The following MSH3 variants were observed in gnomAD, a reference collection of about 807,000 sequenced individuals.
MSH3 encodes the protein DNA mismatch repair protein Msh3.
In MSH3, 106 loss-of-function variants were observed where a neutral mutation model predicts 123.3. The ratio of observed to expected loss-of-function variants is 0.86; its 90% CI spans 0.73 to 1.01. The LOEUF (loss-of-function observed/expected upper bound fraction) is 1.01, where lower values mean the gene tolerates loss of function less well. Ranked by LOEUF, MSH3 falls within the 50% of genes least tolerant of loss-of-function variation. MSH3 has a pLI of 0.00. For missense variants in MSH3, 1,459 were observed against 1,347.6 expected (o/e 1.08, Z -1.29); for synonymous variants, 515 against 481.4 (o/e 1.07, Z -0.91).
intron 6 of MSH3, among the ~76,000 whole-genome samples, chr5:80,674,629 G>C (rs1335537032): frequency 6.6e-6 from 1 of 152,198 alleles, no homozygotes; most frequent in Non-Finnish European, 1.5e-5. Context: ...GAAAGATAAG[G>C]CATGCAACTA....
At chr5:80,696,334 A>T (rs1750479840) in intron 8 of MSH3, among the ~76,000 whole-genome samples, 2 of 152,130 alleles carry the variant, frequency 1.3e-5, no homozygotes, top group Non-Finnish European at 2.9e-5. Context: ...CACCAGTGAG[A>T]ATGGAAATCT....
chr5:80,797,049 C>G (rs1329975710), intron 19 of MSH3, among the ~76,000 whole-genome samples: 1 of 151,740 alleles, frequency 6.6e-6, no homozygotes, highest in Non-Finnish European at 1.5e-5. Flanking sequence ...CCACCCCACC[C>G]ACTCCCGCCT....
intron 21 of MSH3, among the ~76,000 whole-genome samples, chr5:80,862,349 G>A (rs533445520): frequency 6.6e-6 from 1 of 152,280 alleles, no homozygotes; most frequent in East Asian, 1.9e-4. Flanking sequence ...CAAAACTGGA[G>A]TTCTTTGATT....
chr5:80,867,274 C>T (rs930759594), intron 22 of MSH3, among the ~76,000 whole-genome samples: 4 of 152,206 alleles, frequency 2.6e-5, no homozygotes, highest in Non-Finnish European at 4.4e-5. Flanking sequence ...TCCTGCCTGG[C>T]CAGCTTTATT....
At chr5:80,770,810 C>T (rs549901082) in intron 15 of MSH3, among the ~76,000 whole-genome samples, 12 of 152,222 alleles carry the variant, frequency 7.9e-5, no homozygotes, top group East Asian at 7.7e-4. Context: ...CTTGGAAAGA[C>T]GGTCCTGGAT....
chr5:80,830,893 A>G (rs1046589408), intron 20 of MSH3, among the ~76,000 whole-genome samples: 3 of 152,210 alleles, frequency 2.0e-5, no homozygotes, highest in Non-Finnish European at 2.9e-5. Flanking sequence ...GCTTGATTAT[A>G]TGTGCAGTTT....
chr5:80,756,638 C>T (rs573869739), intron 12 of MSH3, among the ~76,000 whole-genome samples: 1 of 152,174 alleles, frequency 6.6e-6, no homozygotes, highest in African/African-American at 2.4e-5. Context: ...AGATCATAAC[C>T]CAGTTATAAT....
At position 80,741,584 on chromosome 5, in the gene MSH3, G is replaced by C. The variant is rs199963081; in HGVS notation, c.1653+36G>C. 20 of 1,495,192 alleles carry C rather than the reference G, an allele frequency of 1.3e-5. No individual in the cohort carries two copies. Among genetic ancestry groups the C allele is most frequent in the African/African-American group, 1.1e-4 (8 of 72,588 alleles). The allele number at this position is 1,495,192 out of a possible 1,614,324, so 92.6% of individuals were successfully genotyped here. A position where few individuals can be genotyped will look rare whatever the true frequency, so the allele number is the denominator to read the frequency against. On this transcript the variant is annotated intron_variant, in intron 11 of 23. Transcript: ENST00000265081. The stretch of plus-strand genomic sequence containing the variant: ...TACAAGGGCTAGTTGATTATAAATC[G>C]TTTTGGGAAAAACTTCTGAGTAAGG...
intron 10 of MSH3, among the ~76,000 whole-genome samples, chr5:80,734,276 T>C (rs1701623052): frequency 6.6e-6 from 1 of 152,206 alleles, no homozygotes; most frequent in Non-Finnish European, 1.5e-5. Context: ...AGTAGATTAG[T>C]GGTTGCCTAG....
chr5:80,830,549 C>T (rs566480743), intron 20 of MSH3, among the ~76,000 whole-genome samples: 1 of 152,252 alleles, frequency 6.6e-6, no homozygotes, highest in South Asian at 2.1e-4. Flanking sequence ...ATTAATCTTC[C>T]TTTGACAACC....
At chr5:80,764,308 G>A (rs973826770) in intron 13 of MSH3, among the ~76,000 whole-genome samples, 2 of 152,126 alleles carry the variant, frequency 1.3e-5, no homozygotes, top group African/African-American at 2.4e-5. Context: ...GTACCAATAG[G>A]TGTTTTTATG....
chr5:80,801,515 T>TA, intron 19 of MSH3, among the ~76,000 whole-genome samples: 1 of 152,340 alleles, frequency 6.6e-6, no homozygotes, highest in African/African-American at 2.4e-5. Context: ...ATTTAACTTC[T>TA]AAAGCCTTGA....
chr5:80,671,229 G>A (rs567302941), intron 4 of MSH3, among the ~76,000 whole-genome samples: 1 of 152,304 alleles, frequency 6.6e-6, no homozygotes, highest in African/African-American at 2.4e-5. Context: ...CAAACTTAGG[G>A]AAAGTATTGC....
At chr5:80,805,578 G>GC (rs35730651) in intron 19 of MSH3, among the ~76,000 whole-genome samples, 127 of 71,076 alleles carry the variant, frequency 1.8e-3, no homozygotes, top group East Asian at 0.011. Context: ...TCAATATGAT[G>GC]CCCCCCCCCC....
chr5:80,819,466 G>GTGTGTA lies in MSH3; in HGVS notation c.2813+5726_2813+5727insGTGTAT, dbSNP rs773803699. 7.6e-3 allele frequency among the ~76,000 whole-genome samples: 1,107 copies of GTGTGTA among 145,766 alleles called. 19 individuals are homozygous for GTGTGTA. The highest frequency in any genetic ancestry group is 0.026 in the African/African-American group (1,037 of 39,140). ...TGTATATGTGTGTGTGTGTGTGTGT[G>GTGTGTA]TATATATATATATAATTTTTTTTTT... On this transcript the variant is annotated intron_variant, in intron 20 of 23. Transcript: ENST00000265081.
intron 7 of MSH3, among the ~76,000 whole-genome samples, chr5:80,676,359 GTTTATGAATAAAT>G (rs1346554678): frequency 2.0e-5 from 3 of 152,156 alleles, no homozygotes; most frequent in Non-Finnish European, 1.5e-5. Flanking sequence ...TTTTCTGGCA[GTTTATGAATAAAT>G]TTGCTCATTT....
In MSH3 at chr5:80,672,337, C is replaced by T. The variant is rs201216791; in HGVS notation, c.886C>T (p.Arg296Cys). The T allele has an allele frequency of 1.7e-5, 28 of 1,613,518 alleles. No homozygotes were observed. The East Asian group carries it at 4.0e-4, about 23-fold the overall frequency. Residue 296 changes from arginine (R) to cysteine (C), a missense_variant, in exon 5 of 24, where the codon CGC (arginine) becomes TGC (cysteine). Physicochemically the swap from Arg to Cys is radical, Grantham distance 180 (BLOSUM62 -3). Transcript: ENST00000265081. ...TCACAGACTGTTTGTTCATGTACGC[C>T]GCCTGGTGGCAAAAGGATATAAGGT... ...PTHRLFVHVR[R>C]LVAKGYKVGV...
chr5:80,853,044 A>G (rs1285327658), intron 20 of MSH3, among the ~76,000 whole-genome samples: 2 of 152,172 alleles, frequency 1.3e-5, no homozygotes, highest in Admixed American at 1.3e-4. Flanking sequence ...TGTTTTTTTC[A>G]GTTCCTTTTG....
rs1561489827 is a variant in MSH3, at chr5:80,823,682, C to CT, written c.2813+9948dup. Among the ~76,000 whole-genome samples, 4 of 151,800 alleles carry CT rather than the reference C, an allele frequency of 2.6e-5. No homozygotes were observed. In the South Asian group the frequency reaches 8.3e-4, roughly 32 times the overall value. ...ATGCCTGAACCCTACCTCCAGAAAT[C>CT]TTTTTTTGTTTTGTTTTGTTTTGTT... is the stretch of plus-strand genomic sequence containing the variant. On this transcript the variant is annotated intron_variant, in intron 20 of 23. Transcript: ENST00000265081.
Sources: allele counts gnomAD v4.1 joint callset (sites outside exome capture counted in the v4.1 genomes callset), GRCh38; gene constraint gnomAD v4.1.1; transcripts MANE v1.5; gene names NCBI Gene and HGNC (gene_info 2026-07-23, HGNC 2026-07-21).